Variants in UBE2H observed in about 807,000 individuals in gnomAD.
The protein encoded by UBE2H is ubiquitin-conjugating enzyme E2 H.
UBE2H carries 3 observed loss-of-function variants against 29.0 expected under a neutral mutation model. The observed-to-expected ratio is 0.10, with a 90% CI of 0.05 to 0.27. The LOEUF is 0.27. UBE2H is among the 10% of genes least tolerant of loss of function. UBE2H has a pLI of 1.00. For missense variants in UBE2H, 68 were observed against 228.2 expected, an observed-to-expected ratio of 0.30 and a Z score of 4.52; for synonymous variants, 69 against 82.9, an observed-to-expected ratio of 0.83 and a Z score of 0.91.
chr7:129,942,520 A>G (rs911718804), intron 1 of UBE2H, among the ~76,000 whole-genome samples: 11 of 152,112 alleles, frequency 7.2e-5, no homozygotes, highest in Non-Finnish European at 1.5e-4. Context: ...AAAGCATGAT[A>G]TCAAAGGATA....
At chr7:129,896,234 G>C (rs1258077661) in intron 1 of UBE2H, among the ~76,000 whole-genome samples, 2 of 151,776 alleles carry the variant, frequency 1.3e-5, no homozygotes, top group Non-Finnish European at 2.9e-5. Flanking sequence ...CTACTCTAGA[G>C]GCTGAGGCAG....
At chr7:129,838,784 G>T (rs567338056) in intron 6 of UBE2H, among the ~76,000 whole-genome samples, 3 of 151,976 alleles carry the variant, frequency 2.0e-5, no homozygotes, top group Non-Finnish European at 4.4e-5. Context: ...GACTACAGGC[G>T]CGTGCCACCA....
intron 1 of UBE2H, among the ~76,000 whole-genome samples, chr7:129,946,378 T>C (rs984462387): frequency 4.6e-5 from 7 of 152,194 alleles, no homozygotes; most frequent in Non-Finnish European, 8.8e-5. Flanking sequence ...TATTTTTAAC[T>C]GGGAAAAACA....
At chr7:129,860,526 A>G (rs1805780547) in intron 3 of UBE2H, among the ~76,000 whole-genome samples, 1 of 152,212 alleles carries the variant, frequency 6.6e-6, no homozygotes, top group South Asian at 2.1e-4. Context: ...ACTAATACAC[A>G]TGTCCCAGAT....
intron 3 of UBE2H, among the ~76,000 whole-genome samples, chr7:129,862,205 T>C (rs1304256122): frequency 1.3e-5 from 2 of 152,192 alleles, no homozygotes; most frequent in East Asian, 3.8e-4. Flanking sequence ...AGAATGGTCC[T>C]ACTATATGAA....
intron 3 of UBE2H, among the ~76,000 whole-genome samples, chr7:129,867,580 G>C (rs1805930390): frequency 9.7e-6 from 1 of 103,012 alleles, no homozygotes; most frequent in Non-Finnish European, 1.9e-5. Flanking sequence ...GGATAGCATT[G>C]GGAGATATAC....
Position 129,842,061 on chromosome 7 carries a change from A to C in UBE2H, c.299-2726T>G, listed in dbSNP as rs75549298. ...CAACTATGTACAGTGTGTATGCATA[A>C]GACAAACATTTTAAAAAGCTACCTC... is the stretch of plus-strand genomic sequence containing the variant. On this transcript the variant is annotated intron_variant, in intron 5 of 6. Transcript: ENST00000355621. Among the ~76,000 whole-genome samples, 16 of 152,364 alleles carry C rather than the reference A, an allele frequency of 1.1e-4. No individual in the cohort carries two copies. The East Asian group carries it at 2.9e-3, about 28-fold the overall frequency.
intron 5 of UBE2H, among the ~76,000 whole-genome samples, chr7:129,850,951 T>G (rs563146169): frequency 6.6e-6 from 1 of 152,014 alleles, no homozygotes; most frequent in East Asian, 1.9e-4. Context: ...GACAGATGGA[T>G]GCAGGGTGCT....
intron 6 of UBE2H, 121 bp downstream of exon 6, chr7:129,839,086 G>A: frequency 6.9e-7 from 1 of 1,443,080 alleles, no homozygotes; most frequent in African/African-American, 1.4e-5. Flanking sequence ...GCCCACAGCT[G>A]TCTCTTTTTA....
At chr7:129,952,264 G>A (rs1584807683) in intron 1 of UBE2H, among the ~76,000 whole-genome samples, 1 of 152,156 alleles carries the variant, frequency 6.6e-6, no homozygotes, top group African/African-American at 2.4e-5. Flanking sequence ...CACAGGCTCT[G>A]GGGATACAGG....
chr7:129,933,689 T>C (rs1298472709), intron 1 of UBE2H, among the ~76,000 whole-genome samples: 1 of 152,234 alleles, frequency 6.6e-6, no homozygotes, highest in Non-Finnish European at 1.5e-5. Context: ...TTCAACACTT[T>C]CCTGCAAGAT....
At chr7:129,917,370 T>C (rs1231895785) in intron 1 of UBE2H, among the ~76,000 whole-genome samples, 1 of 152,152 alleles carries the variant, frequency 6.6e-6, no homozygotes, top group Non-Finnish European at 1.5e-5. Flanking sequence ...GAAAATGAAA[T>C]AGTCCCAGCC....
chr7:129,897,408 G>T (rs1806620831), intron 1 of UBE2H, among the ~76,000 whole-genome samples: 1 of 152,126 alleles, frequency 6.6e-6, no homozygotes, highest in Non-Finnish European at 1.5e-5. Context: ...GACCCCTGCT[G>T]CTCCCTTTAC....
intron 1 of UBE2H, among the ~76,000 whole-genome samples, chr7:129,916,087 A>G (rs1807038212): frequency 6.6e-6 from 1 of 152,242 alleles, no homozygotes; most frequent in Non-Finnish European, 1.5e-5. Context: ...ATTTTCAAAT[A>G]GCTCACATGC....
intron 1 of UBE2H, among the ~76,000 whole-genome samples, chr7:129,910,328 C>CAA (rs369819323): frequency 2.2e-5 from 3 of 138,708 alleles, no homozygotes; most frequent in African/African-American, 8.0e-5. Flanking sequence ...GACTCTATCT[C>CAA]AAAAAAAAAA....
chr7:129,929,716 ATAT>A (rs2116490245), intron 1 of UBE2H, among the ~76,000 whole-genome samples: 1 of 152,280 alleles, frequency 6.6e-6, no homozygotes, highest in South Asian at 2.1e-4. Context: ...TTCAAATATT[ATAT>A]TAACACATTG....
intron 1 of UBE2H, 132 bp downstream of exon 1, chr7:129,952,371 C>T (rs1807895500): frequency 9.6e-6 from 11 of 1,144,426 alleles, no homozygotes; most frequent in Admixed American, 2.5e-5. Context: ...CCGCCGTAGG[C>T]ACTGGGGGAG....
At chr7:129,946,422 A>C (rs1237295369) in intron 1 of UBE2H, among the ~76,000 whole-genome samples, 1 of 152,210 alleles carries the variant, frequency 6.6e-6, no homozygotes, top group Non-Finnish European at 1.5e-5. Flanking sequence ...CAGGGCAGAC[A>C]CATACAGTAT....
chr7:129,914,021 G>A (rs985933670), intron 1 of UBE2H, among the ~76,000 whole-genome samples: 2 of 152,096 alleles, frequency 1.3e-5, no homozygotes, highest in African/African-American at 4.8e-5. Flanking sequence ...TGCATATCTT[G>A]GAAGCCAGAT....
Sources: allele counts gnomAD v4.1 joint callset (sites outside exome capture counted in the v4.1 genomes callset), GRCh38; gene constraint gnomAD v4.1.1; transcripts MANE v1.5; gene names NCBI Gene and HGNC (gene_info 2026-07-23, HGNC 2026-07-21).